The following RAPGEF4 variants were observed in gnomAD, a reference collection of about 807,000 sequenced individuals.
The protein encoded by RAPGEF4 is RAP guanine-nucleotide-exchange factor (GEF) 4.
In RAPGEF4, 66 loss-of-function variants were observed where a neutral mutation model predicts 147.9. The ratio of observed to expected loss-of-function variants is 0.45; its 90% confidence interval spans 0.37 to 0.55. The LOEUF (loss-of-function observed/expected upper bound fraction) is 0.55. Ranked by LOEUF, RAPGEF4 falls within the 20% of genes least tolerant of loss-of-function variation. The pLI is 0.00. For synonymous variants in RAPGEF4, 419 were observed against 442.7 expected (o/e 0.95, Z 0.67); for missense variants, 1,071 against 1,257.3 (o/e 0.85, Z 2.24).
intron 4 of RAPGEF4, chr2:172,822,063 CA>C: frequency 6.7e-7 from 1 of 1,498,218 alleles, no homozygotes; most frequent in African/African-American, 1.4e-5. Flanking sequence ...GAATTATGCT[CA>C]AAAACATCTC....
chr2:172,918,371 CCACACA>C (rs377074360), intron 5 of RAPGEF4, among the ~76,000 whole-genome samples: 220 of 137,650 alleles, frequency 1.6e-3, no homozygotes, highest in African/African-American at 3.4e-3. Flanking sequence ...GATGCTCTTA[CCACACA>C]CACACACACA....
At chr2:173,023,399 G>A (rs1043267435) in intron 23 of RAPGEF4, among the ~76,000 whole-genome samples, 5 of 152,202 alleles carry the variant, frequency 3.3e-5, no homozygotes, top group African/African-American at 1.2e-4. Flanking sequence ...AAGCTCTGCT[G>A]TGCCTTATCT....
chr2:172,959,227 G>T (rs1170933104), intron 6 of RAPGEF4, among the ~76,000 whole-genome samples: 2 of 152,252 alleles, frequency 1.3e-5, no homozygotes. Flanking sequence ...CAGCAGGGCT[G>T]CGTTCATCTG....
chr2:172,822,048 T>C, intron 4 of RAPGEF4: 1 of 1,566,938 alleles, frequency 6.4e-7, no homozygotes, highest in Non-Finnish European at 8.7e-7. Context: ...ACTGTTTGCA[T>C]TTTGGAATTA....
chr2:172,766,228 A>G (rs183800052), intron 1 of RAPGEF4, among the ~76,000 whole-genome samples: 1 of 152,220 alleles, frequency 6.6e-6, no homozygotes, highest in East Asian at 1.9e-4. Flanking sequence ...AAGTACACAT[A>G]TCTAGATTAT....
intron 6 of RAPGEF4, among the ~76,000 whole-genome samples, chr2:172,950,479 G>T (rs1688104785): frequency 1.3e-5 from 2 of 152,160 alleles, no homozygotes; most frequent in South Asian, 2.1e-4. Flanking sequence ...TCATAAAAAT[G>T]GAGTGTGTTT....
chr2:173,026,569 T>C lies in RAPGEF4; in HGVS notation c.2254-3T>C. On this transcript the variant is annotated splice_polypyrimidine_tract_variant and splice_region_variant and intron_variant, in intron 23 of 30. Coordinates refer to ENST00000397081, the MANE Select transcript of RAPGEF4 (RefSeq NM_007023.4). ...TGATATGTTTTTGCATTATTATTCA[T>C]AGACTCCCTTACCAGAACAGGAAGG... 6.2e-7 allele frequency: 1 copy of C among 1,612,410 alleles called. No homozygotes were observed. Among genetic ancestry groups the C allele is most frequent in the Non-Finnish European group, 8.5e-7 (1 of 1,179,240 alleles).
intron 4 of RAPGEF4, among the ~76,000 whole-genome samples, chr2:172,886,465 G>T (rs920464211): frequency 6.6e-6 from 1 of 152,122 alleles, no homozygotes; most frequent in East Asian, 1.9e-4. Context: ...CCCAGCACTC[G>T]GCATAGTCCC....
intron 8 of RAPGEF4, among the ~76,000 whole-genome samples, chr2:172,962,683 C>T (rs717524): frequency 6.6e-6 from 1 of 151,638 alleles, no homozygotes; most frequent in South Asian, 2.1e-4. Flanking sequence ...TCTTGTTGAC[C>T]GAATTTTGGA....
chr2:172,816,027 A>G (rs1472921028), intron 4 of RAPGEF4, among the ~76,000 whole-genome samples: 5 of 152,142 alleles, frequency 3.3e-5, no homozygotes, highest in Non-Finnish European at 7.4e-5. Context: ...ATAGACATAT[A>G]ACATATCACC....
intron 4 of RAPGEF4, among the ~76,000 whole-genome samples, chr2:172,858,139 A>G (rs926880284): frequency 6.6e-6 from 1 of 152,168 alleles, no homozygotes; most frequent in Middle Eastern, 3.2e-3. Context: ...AAGCCTAACA[A>G]CAAGACCAGG....
chr2:172,827,531 C>T (rs1265257427), intron 4 of RAPGEF4, among the ~76,000 whole-genome samples: 3 of 152,114 alleles, frequency 2.0e-5, no homozygotes, highest in East Asian at 3.9e-4. Context: ...TCAGTGACCT[C>T]CCTTCTCTGT....
chr2:172,954,838 A>C (rs1343214000), intron 6 of RAPGEF4, among the ~76,000 whole-genome samples: 1 of 152,216 alleles, frequency 6.6e-6, no homozygotes, highest in African/African-American at 2.4e-5. Context: ...GAAATCCAAA[A>C]TGTTGCAGCA....
At chr2:172,967,881 A>C (rs1261032899) in intron 10 of RAPGEF4, among the ~76,000 whole-genome samples, 2 of 151,644 alleles carry the variant, frequency 1.3e-5, no homozygotes, top group Non-Finnish European at 2.9e-5. Context: ...GCTCTTACCC[A>C]CCTCTGAGGC....
chr2:173,040,915 G>A (rs1328449606), intron 29 of RAPGEF4, among the ~76,000 whole-genome samples: 4 of 152,110 alleles, frequency 2.6e-5, no homozygotes, highest in African/African-American at 7.2e-5. Flanking sequence ...GACTAGCATG[G>A]ATTAGAGGAT....
At chr2:172,833,058 G>T (rs953719664) in intron 4 of RAPGEF4, among the ~76,000 whole-genome samples, 1 of 152,138 alleles carries the variant, frequency 6.6e-6, no homozygotes, top group East Asian at 1.9e-4. Flanking sequence ...ACAAAAATTA[G>T]CTGGGAGTGG....
In RAPGEF4 at chr2:172,903,368, C is replaced by CAA. The variant is rs10712221; in HGVS notation, c.445-14415_445-14414dup. ...TGGGGGACAGAGTGAGACTCCATCT[C>CAA]AAAAAAAAAAAAAAAAAAAAGAAGC... On this transcript the variant is annotated intron_variant, in intron 4 of 30. Coordinates refer to ENST00000397081, the MANE Select transcript of RAPGEF4 (RefSeq NM_007023.4). Among the ~76,000 whole-genome samples the CAA allele has an allele frequency of 3.8e-3, 314 of 82,490 alleles. 2 individuals are homozygous for CAA. The highest frequency in any genetic ancestry group is 8.4e-3 in the African/African-American group (159 of 19,010). The allele number at this position is 82,490 out of a possible 152,430, so 54.1% of individuals were successfully genotyped here. A position where few individuals can be genotyped will look rare whatever the true frequency, so the allele number is the denominator to read the frequency against.
intron 5 of RAPGEF4, among the ~76,000 whole-genome samples, chr2:172,918,760 C>T (rs1021425662): frequency 5.9e-5 from 9 of 152,116 alleles, no homozygotes; most frequent in African/African-American, 2.2e-4. Flanking sequence ...ATTCCAGGTC[C>T]TGGAGTCTTT....
intron 4 of RAPGEF4, among the ~76,000 whole-genome samples, chr2:172,846,429 A>C (rs1214173903): frequency 6.6e-6 from 1 of 152,200 alleles, no homozygotes; most frequent in African/African-American, 2.4e-5. Context: ...TCTTTTTAAA[A>C]ATTGCTGAAT....
Sources: allele counts gnomAD v4.1 joint callset (sites outside exome capture counted in the v4.1 genomes callset), GRCh38; gene constraint gnomAD v4.1.1; transcripts MANE v1.5; gene names NCBI Gene and HGNC (gene_info 2026-07-23, HGNC 2026-07-21).